Variants in SLIT3 observed in about 807,000 individuals in gnomAD.
SLIT3 encodes slit guidance ligand 3.
A neutral mutation model predicts 184.0 loss-of-function variants in SLIT3; 68 were observed. The observed-to-expected ratio is 0.37, with a 90% CI of 0.30 to 0.45. The LOEUF (loss-of-function observed/expected upper bound fraction) is 0.45, where lower values mean the gene tolerates loss of function less well. Among genes scored for constraint, SLIT3 ranks in the 20% least tolerant of loss-of-function variants. SLIT3 has a pLI of 1.00. For synonymous variants in SLIT3, 831 were observed against 828.6 expected (o/e 1.00, Z -0.05); for missense variants, 1,707 against 2,026.0 (o/e 0.84, Z 3.02).
intron 1 of SLIT3, among the ~76,000 whole-genome samples, chr5:169,274,615 G>T (rs1766738901): frequency 6.6e-6 from 1 of 152,192 alleles, no homozygotes; most frequent in Non-Finnish European, 1.5e-5. Flanking sequence ...GATGGGAACT[G>T]GATTTGGCAA....
At chr5:169,268,687 A>T (rs1766489494) in intron 1 of SLIT3, among the ~76,000 whole-genome samples, 1 of 152,210 alleles carries the variant, frequency 6.6e-6, no homozygotes, top group Non-Finnish European at 1.5e-5. Context: ...GTTTTGGGCA[A>T]ACCACCCTTA....
intron 4 of SLIT3, among the ~76,000 whole-genome samples, chr5:169,147,586 A>C (rs1219629266): frequency 1.3e-5 from 2 of 152,232 alleles, no homozygotes; most frequent in Non-Finnish European, 2.9e-5. Context: ...GGTGCTTTGT[A>C]CATTACAGCA....
chr5:169,109,450 G>A (rs184426171), intron 4 of SLIT3, among the ~76,000 whole-genome samples: 34 of 152,316 alleles, frequency 2.2e-4, no homozygotes, highest in Admixed American at 4.6e-4. Flanking sequence ...CCAACACCTC[G>A]TTTACAGTCC....
At chr5:169,074,161 T>C (rs767316619) in intron 4 of SLIT3, among the ~76,000 whole-genome samples, 2 of 152,168 alleles carry the variant, frequency 1.3e-5, no homozygotes, top group African/African-American at 4.8e-5. Flanking sequence ...GTCTAACATG[T>C]ACCCTATAAT....
At chr5:168,778,064 T>C (rs1357173554) in intron 12 of SLIT3, among the ~76,000 whole-genome samples, 1 of 152,178 alleles carries the variant, frequency 6.6e-6, no homozygotes, top group Non-Finnish European at 1.5e-5. Flanking sequence ...TCCCCCTTTT[T>C]GCAGCAGAGA....
chr5:169,238,311 T>C (rs565549083), intron 3 of SLIT3, among the ~76,000 whole-genome samples: 2 of 152,270 alleles, frequency 1.3e-5, no homozygotes, highest in Admixed American at 6.5e-5. Flanking sequence ...TGTACTCTTA[T>C]AATTTATATG....
intron 8 of SLIT3, among the ~76,000 whole-genome samples, chr5:168,813,952 A>G (rs558724425): frequency 3.3e-5 from 5 of 152,314 alleles, no homozygotes; most frequent in African/African-American, 1.2e-4. Context: ...GGATGGCTTA[A>G]TTGCTACCCC....
intron 4 of SLIT3, among the ~76,000 whole-genome samples, chr5:169,051,255 A>G (rs2113060736): frequency 6.6e-6 from 1 of 152,356 alleles, no homozygotes; most frequent in Admixed American, 6.5e-5. Flanking sequence ...TTTGGTTCAA[A>G]AATACACTGC....
intron 4 of SLIT3, among the ~76,000 whole-genome samples, chr5:169,184,651 A>T (rs1308042023): frequency 6.6e-6 from 1 of 152,222 alleles, no homozygotes; most frequent in Non-Finnish European, 1.5e-5. Context: ...CTAATGAACC[A>T]GACTTCCCGG....
chr5:169,000,098 C>T (rs1755651355), intron 4 of SLIT3, among the ~76,000 whole-genome samples: 2 of 152,032 alleles, frequency 1.3e-5, no homozygotes, highest in South Asian at 2.1e-4. Flanking sequence ...ACAAATGCTG[C>T]GATCATTATT....
chr5:168,967,437 C>CCTTTTTT (rs1763237303), intron 4 of SLIT3, among the ~76,000 whole-genome samples: 1 of 32,732 alleles, frequency 3.1e-5, no homozygotes, highest in African/African-American at 1.1e-4. Context: ...CATCTCAAAT[C>CCTTTTTT]TTTTTTTTTT....
rs1764506065 is a variant in SLIT3 at position 169,218,093 on chromosome 5, T to C, written c.342-24543A>G. On this transcript the variant is annotated intron_variant, in intron 3 of 35. Coordinates refer to ENST00000519560, the MANE Select transcript of SLIT3 (RefSeq NM_003062.4). ...AGTGAAGAAAGAAGAAGGTGTCTGC[T>C]TTTGGACTTCCTTGAAGATATTTTC... Among the ~76,000 whole-genome samples, 5 of 152,210 alleles carry C rather than the reference T, an allele frequency of 3.3e-5. No individual in the cohort carries two copies. In the South Asian group the frequency reaches 1.0e-3, roughly 32 times the overall value.
chr5:168,856,817 G>A (rs1001382287), intron 5 of SLIT3, among the ~76,000 whole-genome samples: 2 of 151,004 alleles, frequency 1.3e-5, no homozygotes, highest in South Asian at 2.1e-4. Context: ...GCGCGCGCGC[G>A]CACGCCTTTG....
chr5:169,117,425 C>T (rs906536968), intron 4 of SLIT3, among the ~76,000 whole-genome samples: 1 of 151,996 alleles, frequency 6.6e-6, no homozygotes, highest in Non-Finnish European at 1.5e-5. Flanking sequence ...CTCCCTGCCC[C>T]CCTCACCTCT....
chr5:169,025,267 C>A (rs1347910203), intron 4 of SLIT3, among the ~76,000 whole-genome samples: 1 of 152,166 alleles, frequency 6.6e-6, no homozygotes, highest in African/African-American at 2.4e-5. Context: ...GGGATGAATT[C>A]AGAAATGGCT....
chr5:168,975,163 C>G (rs552277296), intron 4 of SLIT3, among the ~76,000 whole-genome samples: 2 of 152,084 alleles, frequency 1.3e-5, no homozygotes, highest in East Asian at 3.9e-4. Context: ...ATGATGTCCC[C>G]AGCCAGTCCC....
chr5:169,179,542 A>C (rs1206126904), intron 4 of SLIT3, among the ~76,000 whole-genome samples: 1 of 152,174 alleles, frequency 6.6e-6, no homozygotes, highest in South Asian at 2.1e-4. Context: ...AGTCTCAAGC[A>C]CTGGCTCACA....
intron 4 of SLIT3, among the ~76,000 whole-genome samples, chr5:169,133,397 G>A (rs1479934220): frequency 6.6e-6 from 1 of 152,212 alleles, no homozygotes; most frequent in Non-Finnish European, 1.5e-5. Context: ...GAGCCTGCTG[G>A]TCTACAGCCC....
intron 4 of SLIT3, among the ~76,000 whole-genome samples, chr5:169,008,750 C>T (rs1756030446): frequency 6.6e-6 from 1 of 152,152 alleles, no homozygotes; most frequent in Non-Finnish European, 1.5e-5. Context: ...ATCCTCCTGC[C>T]TTGCATCCTC....
Sources: gnomAD v4.1 joint callset for allele counts (sites outside exome capture counted in the v4.1 genomes callset) on GRCh38, gnomAD v4.1.1 for gene constraint, MANE v1.5 for transcripts, NCBI Gene and HGNC (gene_info 2026-07-23, HGNC 2026-07-21) for gene names.